Variants in SLC16A7 observed in about 807,000 individuals in gnomAD.
SLC16A7 encodes monocarboxylate transporter 2.
SLC16A7 carries 33 observed loss-of-function variants against 34.9 expected under a neutral mutation model. The observed-to-expected ratio is 0.94, with a 90% confidence interval of 0.72 to 1.26. The LOEUF (loss-of-function observed/expected upper bound fraction) is 1.26, where lower values mean the gene tolerates loss of function less well. SLC16A7 is among the 50% of genes most tolerant of loss of function. The probability of loss-of-function intolerance (pLI) is 0.00; values close to 1 mark genes in which losing one functional copy is unlikely to be tolerated. For missense variants in SLC16A7, 573 were observed against 578.1 expected (o/e 0.99, Z 0.09); for synonymous variants, 201 against 206.6 (o/e 0.97, Z 0.23).
At chr12:59,738,829 G>T (rs368032617) in intron 3 of SLC16A7, among the ~76,000 whole-genome samples, 113 of 148,580 alleles carry the variant, frequency 7.6e-4, no homozygotes, top group Middle Eastern at 3.7e-3. Flanking sequence ...TATCCTCAAA[G>T]ATTTTTTTTT....
intron 2 of SLC16A7, among the ~76,000 whole-genome samples, chr12:59,676,096 G>A (rs1870290621): frequency 6.6e-6 from 1 of 152,230 alleles, no homozygotes; most frequent in South Asian, 2.1e-4. Flanking sequence ...GGTAAAATAT[G>A]ACTTATGGCT....
chr12:59,759,599 T>A (rs1271909037), intron 3 of SLC16A7, among the ~76,000 whole-genome samples: 2 of 152,058 alleles, frequency 1.3e-5, no homozygotes, highest in Non-Finnish European at 2.9e-5. Context: ...GTAACAGTCT[T>A]ATTAATGAAT....
chr12:59,746,895 C>A (rs570801357), intron 3 of SLC16A7, among the ~76,000 whole-genome samples: 1 of 152,194 alleles, frequency 6.6e-6, no homozygotes, highest in South Asian at 2.1e-4. Flanking sequence ...AGTGTAGTGA[C>A]GATCATAGCT....
intron 3 of SLC16A7, chr12:59,769,167 T>A (rs529729765): frequency 1.6e-4 from 25 of 152,316 alleles, no homozygotes; most frequent in African/African-American, 6.0e-4. Flanking sequence ...ATATTTTTAA[T>A]TGTTATGCAC....
At chr12:59,771,185 A>G in intron 3 of SLC16A7, 34 bp from the exon 4 acceptor site, 1 of 1,581,062 alleles carries the variant, frequency 6.3e-7, no homozygotes, top group Non-Finnish European at 8.6e-7. Context: ...TGACAAGAGC[A>G]ACTGAGTATT....
In SLC16A7 at chr12:59,783,311, C is replaced by T. The variant is rs899009976; in HGVS notation, c.*3632C>T. 2 of 152,068 alleles carry T rather than the reference C, an allele frequency of 1.3e-5. No homozygotes were observed. The highest frequency in any genetic ancestry group is 4.8e-5 in the African/African-American group (2 of 41,412). The allele number at this position is 152,068 out of a possible 1,614,324, so 9.4% of individuals were successfully genotyped here. ...TGCATTTTGCTTATGTAATGCCTTT[C>T]AATATGAAAACCAAAACCATGGCAG... On this transcript the variant is annotated 3_prime_UTR_variant, in exon 6 of 6. Transcript: ENST00000547379.
At chr12:59,741,056 A>G (rs1284186600) in intron 3 of SLC16A7, among the ~76,000 whole-genome samples, 2 of 152,228 alleles carry the variant, frequency 1.3e-5, no homozygotes, top group Non-Finnish European at 2.9e-5. Flanking sequence ...TCAATGAAAT[A>G]AAAGAGGATA....
chr12:59,753,532 G>A (rs530585124), intron 3 of SLC16A7, among the ~76,000 whole-genome samples: 3 of 152,124 alleles, frequency 2.0e-5, no homozygotes, highest in Non-Finnish European at 2.9e-5. Flanking sequence ...ATGGTAAAGG[G>A]ATCAATTCAA....
intron 3 of SLC16A7, among the ~76,000 whole-genome samples, chr12:59,766,901 G>A (rs911858701): frequency 6.6e-6 from 1 of 152,050 alleles, no homozygotes; most frequent in Non-Finnish European, 1.5e-5. Context: ...GCTTCAGAAG[G>A]AATGGTACCA....
chr12:59,622,970 GA>G (rs1334629335), intron 1 of SLC16A7, among the ~76,000 whole-genome samples: 1 of 151,376 alleles, frequency 6.6e-6, no homozygotes, highest in African/African-American at 2.4e-5. Flanking sequence ...GGTGGGAGGG[GA>G]AAAGGTAGTG....
intron 3 of SLC16A7, among the ~76,000 whole-genome samples, chr12:59,731,139 T>C (rs1876904537): frequency 1.3e-5 from 2 of 152,186 alleles, no homozygotes; most frequent in Admixed American, 6.5e-5. Flanking sequence ...ATGTAAAATA[T>C]TCAAGCTTAA....
At chr12:59,730,959 G>T (rs1363000804) in intron 3 of SLC16A7, among the ~76,000 whole-genome samples, 1 of 152,102 alleles carries the variant, frequency 6.6e-6, no homozygotes, top group Non-Finnish European at 1.5e-5. Flanking sequence ...GGGGGAGGTT[G>T]TCACTCTATA....
chr12:59,730,890 A>G (rs1187126663), intron 3 of SLC16A7, among the ~76,000 whole-genome samples: 1 of 152,190 alleles, frequency 6.6e-6, no homozygotes, highest in Non-Finnish European at 1.5e-5. Flanking sequence ...TATGTATAGC[A>G]GTGTTTATCC....
rs562108474 is a variant in SLC16A7, at chr12:59,649,133, C to G, written c.-129-6019C>G. ...TGATCTGAATGCATGAAGACGATGA[C>G]TTATATAAATCAGGCTTTTAAGGAG... On this transcript the variant is annotated intron_variant, in intron 1 of 5. Coordinates refer to ENST00000547379, the MANE Select transcript of SLC16A7 (RefSeq NM_001270623.2). Among the ~76,000 whole-genome samples the G allele has an allele frequency of 2.6e-5, 4 of 152,216 alleles. No homozygotes were observed. In the East Asian group the frequency reaches 7.7e-4, roughly 29 times the overall value.
At chr12:59,627,520 G>T (rs189398546) in intron 1 of SLC16A7, among the ~76,000 whole-genome samples, 86 of 151,924 alleles carry the variant, frequency 5.7e-4, no homozygotes, top group Non-Finnish European at 9.3e-4. Context: ...GCTGAGGAAA[G>T]ATTTTTTACT....
intron 3 of SLC16A7, among the ~76,000 whole-genome samples, chr12:59,765,730 C>CTGTAGCCT (rs1344601904): frequency 3.3e-5 from 5 of 152,168 alleles, no homozygotes; most frequent in Non-Finnish European, 5.9e-5. Context: ...GTTTTGGTGA[C>CTGTAGCCT]TGTAGCCTTG....
intron 2 of SLC16A7, among the ~76,000 whole-genome samples, chr12:59,678,226 G>A (rs1451420061): frequency 6.6e-6 from 1 of 152,206 alleles, no homozygotes; most frequent in African/African-American, 2.4e-5. Context: ...CGAGGAAGGG[G>A]TGTGTTTTAG....
intron 3 of SLC16A7, chr12:59,768,923 A>AG (rs953664350): frequency 3.3e-5 from 5 of 152,176 alleles, no homozygotes; most frequent in African/African-American, 1.2e-4. Flanking sequence ...TCTCGAGTCT[A>AG]GGGGGTCAAG....
chr12:59,680,268 A>C (rs1870640826), intron 2 of SLC16A7, among the ~76,000 whole-genome samples: 1 of 152,226 alleles, frequency 6.6e-6, no homozygotes, highest in South Asian at 2.1e-4. Context: ...GAGAGCTTCC[A>C]AGAGTCCTGG....
Sources: gnomAD v4.1 joint callset for allele counts (sites outside exome capture counted in the v4.1 genomes callset) on GRCh38, gnomAD v4.1.1 for gene constraint, MANE v1.5 for transcripts, NCBI Gene and HGNC (gene_info 2026-07-23, HGNC 2026-07-21) for gene names.